ADCY9: variants seen among roughly 807,000 people sequenced by gnomAD.
ADCY9 encodes adenylate cyclase 9.
Under a neutral mutation model 101.5 loss-of-function variants are expected in ADCY9, and 50 were observed. The ratio of observed to expected loss-of-function variants is 0.49; its 90% confidence interval spans 0.39 to 0.62. The LOEUF (loss-of-function observed/expected upper bound fraction) is 0.62, where lower values mean the gene tolerates loss of function less well. Among genes scored for constraint, ADCY9 ranks in the 20% least tolerant of loss-of-function variants. The pLI is 0.00. For synonymous variants in ADCY9, 905 were observed against 769.3 expected (o/e 1.18, Z -2.92); for missense variants, 1,662 against 1,800.4 (o/e 0.92, Z 1.39).
At chr16:4,012,472 G>C (rs547904047) in intron 2 of ADCY9, among the ~76,000 whole-genome samples, 2 of 32,406 alleles carry the variant, frequency 6.2e-5, no homozygotes, top group South Asian at 5.9e-3. Flanking sequence ...GCAGCAGAAG[G>C]TCCAAAAAAA....
intron 3 of ADCY9, among the ~76,000 whole-genome samples, chr16:3,998,749 G>GAAAGAAAGAAAAGAAAAGA (rs1555507993): frequency 1.1e-5 from 1 of 89,718 alleles, no homozygotes; most frequent in Non-Finnish European, 2.0e-5. Flanking sequence ...AAGAAAGAAA[G>GAAAGAAAGAAAAGAAAAGA]AAAGAAAAGA....
At chr16:4,043,360 C>T (rs929320417) in intron 2 of ADCY9, among the ~76,000 whole-genome samples, 4 of 151,880 alleles carry the variant, frequency 2.6e-5, no homozygotes, top group Non-Finnish European at 4.4e-5. Context: ...AAATCAGAAG[C>T]GGTTCCCTCG....
In ADCY9 at chr16:3,966,047, C is replaced by G; in HGVS notation, c.3790G>C (p.Val1264Leu). The G allele has an allele frequency of 6.2e-7, 1 of 1,614,226 alleles. No individual in the cohort carries two copies. The highest frequency in any genetic ancestry group is 1.3e-5 in the African/African-American group (1 of 75,050). ...HQLSISPDIRVQVDGSIGRSP... is the reference protein window; with the variant it reads ...HQLSISPDIRLQVDGSIGRSP... ...CGTCCGATGCTGCCATCCACCTGGA[C>G]GCGGATGTCTGGGGAGATGGACAGC... is the stretch of plus-strand genomic sequence containing the variant. Residue 1264 changes from valine (V) to leucine (L), a missense_variant, in exon 11 of 11, where the codon GTC becomes CTC. This residue lies in a region of ADCY9 where 168 missense variants were observed against 155.3 expected (regional missense o/e 1.08). Transcript: ENST00000294016.
chr16:4,007,009 C>T (rs1186059285), intron 3 of ADCY9, among the ~76,000 whole-genome samples: 1 of 152,160 alleles, frequency 6.6e-6, no homozygotes, highest in East Asian at 1.9e-4. Context: ...ATCAGATTAT[C>T]AACTAGCTCT....
At chr16:4,003,834 G>A (rs565220171) in intron 3 of ADCY9, among the ~76,000 whole-genome samples, 7 of 152,092 alleles carry the variant, frequency 4.6e-5, no homozygotes, top group South Asian at 2.1e-4. Context: ...TGACAGTGGC[G>A]TCCTCATGTC....
At chr16:4,086,895 G>C (rs2056942353) in intron 2 of ADCY9, among the ~76,000 whole-genome samples, 1 of 151,822 alleles carries the variant, frequency 6.6e-6, no homozygotes, top group Admixed American at 6.6e-5. Flanking sequence ...CCTGACCTCA[G>C]GTGATCCGCC....
chr16:4,046,666 C>T (rs954850782), intron 2 of ADCY9, among the ~76,000 whole-genome samples: 6 of 152,144 alleles, frequency 3.9e-5, no homozygotes, highest in South Asian at 2.1e-4. Context: ...GAAAATAAGA[C>T]TCAATAATCT....
downstream of ADCY9, among the ~76,000 whole-genome samples, chr16:3,958,541 CAAAAAAAA>C (rs57920543): frequency 1.9e-5 from 2 of 104,194 alleles, no homozygotes; most frequent in Non-Finnish European, 2.0e-5. Context: ...AACTCCGTCT[CAAAAAAAA>C]AAAAAAAAAA....
At chr16:4,099,947 T>C (rs1408391995) in intron 2 of ADCY9, among the ~76,000 whole-genome samples, 6 of 152,154 alleles carry the variant, frequency 3.9e-5, no homozygotes, top group Non-Finnish European at 8.8e-5. Context: ...ACAGGGAGGC[T>C]GAGGTACGAG....
chr16:4,073,405 T>G (rs1015198923), intron 2 of ADCY9, among the ~76,000 whole-genome samples: 8 of 148,746 alleles, frequency 5.4e-5, no homozygotes, highest in African/African-American at 1.7e-4. Flanking sequence ...AAACTTTTTT[T>G]TTTTTTTGAG....
intron 3 of ADCY9, among the ~76,000 whole-genome samples, chr16:3,998,708 CAAAAAAAAAA>C (rs1165056665): frequency 1.9e-3 from 7 of 3,604 alleles, no homozygotes; most frequent in Admixed American, 0.014. Flanking sequence ...AACTCTGTCT[CAAAAAAAAAA>C]AAAAAAAAAA....
At chr16:4,109,428 G>A (rs1320092348) in intron 2 of ADCY9, among the ~76,000 whole-genome samples, 3 of 152,166 alleles carry the variant, frequency 2.0e-5, no homozygotes, top group African/African-American at 7.2e-5. Flanking sequence ...CCAGAACCCA[G>A]AACCGTGCCT....
In ADCY9 at chr16:4,017,415, C is replaced by T. The variant is rs532578587; in HGVS notation, c.1694-9857G>A. Reference sequence around the variant, plus strand: ...ATCCCAGCACTTTGGGAGGCCGAGGCGGGGGGTTGCTTGAGGTCAGGAGTT... The same window carrying T: ...ATCCCAGCACTTTGGGAGGCCGAGGTGGGGGGTTGCTTGAGGTCAGGAGTT... On this transcript the variant is annotated intron_variant, in intron 2 of 10. Transcript: ENST00000294016. 3.3e-5 allele frequency among the ~76,000 whole-genome samples: 5 copies of T among 149,624 alleles called. No individual in the cohort carries two copies. In the South Asian group the frequency reaches 6.4e-4, roughly 19 times the overall value.
At chr16:4,042,580 T>C (rs1359322966) in intron 2 of ADCY9, among the ~76,000 whole-genome samples, 1 of 152,204 alleles carries the variant, frequency 6.6e-6, no homozygotes, top group Non-Finnish European at 1.5e-5. Context: ...TTCCATTCAA[T>C]TGTTGGTTGA....
intron 5 of ADCY9, among the ~76,000 whole-genome samples, chr16:3,990,283 T>G (rs1463032995): frequency 1.3e-5 from 2 of 151,978 alleles, no homozygotes; most frequent in African/African-American, 4.8e-5. Context: ...CTGGCCAACA[T>G]GGTGAACCCC....
intron 2 of ADCY9, among the ~76,000 whole-genome samples, chr16:4,042,055 C>A (rs963627075): frequency 2.6e-5 from 4 of 151,266 alleles, no homozygotes; most frequent in African/African-American, 9.7e-5. Context: ...TCCTGAGTAG[C>A]TGGGACTACA....
intron 2 of ADCY9, among the ~76,000 whole-genome samples, chr16:4,104,158 C>A (rs908442492): frequency 8.5e-5 from 13 of 152,302 alleles, no homozygotes; most frequent in African/African-American, 2.9e-4. Context: ...AGGAAAATAA[C>A]TGACAGTATT....
At chr16:3,969,571 T>TATATATATAC (rs1555505623) in intron 10 of ADCY9, among the ~76,000 whole-genome samples, 2 of 19,200 alleles carry the variant, frequency 1.0e-4, no homozygotes, top group Non-Finnish European at 1.5e-4. Context: ...TTGTTTGAAA[T>TATATATATAC]ATATATATAT....
intron 4 of ADCY9, 104 bp downstream of exon 4, chr16:3,993,302 G>C (rs1360286218): frequency 3.9e-6 from 6 of 1,539,972 alleles, no homozygotes; most frequent in Non-Finnish European, 5.3e-6. Flanking sequence ...TGTTACCCAA[G>C]AGGAGTTACT....
Sources: gnomAD v4.1 joint callset for allele counts (sites outside exome capture counted in the v4.1 genomes callset) on GRCh38, gnomAD v4.1.1 for gene constraint, gnomAD v4.1.1 regional missense constraint, MANE v1.5 for transcripts, NCBI Gene and HGNC (gene_info 2026-07-23, HGNC 2026-07-21) for gene names.